The following PPL variants were observed in gnomAD, a reference collection of about 807,000 sequenced individuals.
PPL encodes 190 kDa paraneoplastic pemphigus antigen.
A neutral mutation model predicts 194.4 loss-of-function variants in PPL; 198 were observed. That is an observed-to-expected ratio of 1.02 (90% CI 0.91 to 1.15). PPL has a LOEUF of 1.15. Ranked by LOEUF, PPL falls within the 50% of genes most tolerant of loss-of-function variation. The probability of loss-of-function intolerance (pLI) is 0.00; values close to 1 mark genes in which losing one functional copy is unlikely to be tolerated. For synonymous variants in PPL, 1,220 were observed against 972.4 expected (o/e 1.25, Z -4.74); for missense variants, 2,885 against 2,294.8 (o/e 1.26, Z -5.25).
chr16:4,887,513 T>C (rs891949888), intron 20 of PPL, among the ~76,000 whole-genome samples: 4 of 152,148 alleles, frequency 2.6e-5, no homozygotes, highest in Admixed American at 1.3e-4. Context: ...AGGAGACTAA[T>C]ATCAGCCCTC....
chr16:4,883,226 G>A lies in PPL; in HGVS notation c.*158C>T, dbSNP rs1596539234. 1 of 939,004 alleles carries A rather than the reference G, an allele frequency of 1.1e-6. No individual in the cohort carries two copies. Among genetic ancestry groups the A allele is most frequent in the East Asian group, 2.5e-5 (1 of 40,600 alleles). 58.2% of individuals were successfully genotyped at this position (939,004 alleles called of 1,614,324 possible). ...AGTTGCCTGTCTTCAGCCAGTGCCT[G>A]TCTCATATGTGGGCGGGACTCTGAG... On this transcript the variant is annotated 3_prime_UTR_variant, in exon 22 of 22. Transcript: ENST00000345988. The surrounding 1 kb of genome is among the most constrained non-coding windows in gnomAD (Gnocchi z 4.8).
At chr16:4,895,562 C>G (rs555182980) in intron 10 of PPL, 32 bp downstream of exon 10, 9 of 1,613,172 alleles carry the variant, frequency 5.6e-6, no homozygotes, top group South Asian at 2.2e-5. Flanking sequence ...CCCCGCCCCC[C>G]GGGCCAGCAG....
Position 4,895,291 on chromosome 16 carries a change from C to G in PPL, c.1212G>C (p.Val404=), listed in dbSNP as rs1276586614. 1.9e-6 allele frequency: 3 copies of G among 1,611,796 alleles called. No homozygotes were observed. The Admixed American group carries it at 5.0e-5, about 27-fold the overall frequency. The change falls in exon 11 of 22, where the codon GTG becomes GTC. Residue 404 remains valine, a synonymous_variant. Coordinates refer to ENST00000345988, the MANE Select transcript of PPL (RefSeq NM_002705.5). The part of the protein sequence containing the change: ...RRETPLKPIP[V]EALCDFEGEQ... ...CCCCCTCAAAGTCACAGAGTGCCTC[C>G]ACGGGGATGGGCTTGAGCGGAGTCT...
Position 4,922,908 on chromosome 16 carries a change from G to C in PPL, c.63-11959C>G, listed in dbSNP as rs528316455. On this transcript the variant is annotated intron_variant, in intron 1 of 21. Transcript: ENST00000345988. The stretch of plus-strand genomic sequence containing the variant: ...ATCTCCTCCAACATCTGCGAGGAGA[G>C]GCTGGTGCCCATATATGGGTAATGA... 2.6e-5 allele frequency among the ~76,000 whole-genome samples: 4 copies of C among 152,284 alleles called. No individual in the cohort carries two copies. In the East Asian group the frequency reaches 7.7e-4, roughly 29 times the overall value.
chr16:4,929,388 T>G (rs2089199602), intron 1 of PPL, among the ~76,000 whole-genome samples: 1 of 152,138 alleles, frequency 6.6e-6, no homozygotes, highest in Non-Finnish European at 1.5e-5. Flanking sequence ...GACTCAGGGC[T>G]TGCCTGCAGG....
intron 21 of PPL, among the ~76,000 whole-genome samples, chr16:4,886,770 C>T (rs1350983685): frequency 6.6e-6 from 1 of 152,176 alleles, no homozygotes; most frequent in Admixed American, 6.5e-5. Flanking sequence ...AAGCATGCGC[C>T]ACGACGCCCA....
Position 4,932,219 on chromosome 16 carries a change from T to G in PPL, c.62+4765A>C, listed in dbSNP as rs1001993552. On this transcript the variant is annotated intron_variant, in intron 1 of 21. Coordinates refer to ENST00000345988, the MANE Select transcript of PPL (RefSeq NM_002705.5). The stretch of plus-strand genomic sequence containing the variant: ...GCAGGCCCGCTGTCAGAATGAGATG[T>G]AACATCCATGGCCTTGCTGGGCTCA... 2.0e-5 allele frequency among the ~76,000 whole-genome samples: 3 copies of G among 152,204 alleles called. No individual in the cohort carries two copies. In the South Asian group the frequency reaches 6.2e-4, roughly 31 times the overall value.
chr16:4,892,964 T>C (rs1567999737), intron 14 of PPL: 3 of 458,042 alleles, frequency 6.5e-6, no homozygotes, highest in East Asian at 3.5e-5. Context: ...CCATGTGCCA[T>C]GCCAGGCGTC....
At chr16:4,918,498 A>C (rs2088973272) in intron 1 of PPL, among the ~76,000 whole-genome samples, 1 of 152,174 alleles carries the variant, frequency 6.6e-6, no homozygotes. Context: ...TTAGCTCATC[A>C]ATCCTACCAG....
rs546195225 is a variant in PPL, at chr16:4,895,845, C to T, written c.973-129G>A. The T allele has an allele frequency of 2.6e-4, 339 of 1,313,158 alleles. 5 individuals carry two copies. In the South Asian group the frequency reaches 4.5e-3, roughly 17 times the overall value. 81.3% of individuals were successfully genotyped at this position (1,313,158 alleles called of 1,614,324 possible). On this transcript the variant is annotated intron_variant, in intron 9 of 21. Coordinates refer to ENST00000345988, the MANE Select transcript of PPL (RefSeq NM_002705.5). ...TTCACCTGGAGTCCAGCATGGGACC[C>T]TGTGCTGAGCCTGAGGCTCCTCTGC... is the stretch of plus-strand genomic sequence containing the variant.
intron 2 of PPL, among the ~76,000 whole-genome samples, chr16:4,905,393 G>T (rs72633274): frequency 0.16 from 24,675 of 152,136 alleles, 2,380 homozygotes; most frequent in East Asian, 0.3. Flanking sequence ...GGCAAGTCCA[G>T]AGAGATGGAA....
chr16:4,915,388 G>T (rs2088898372), intron 1 of PPL, among the ~76,000 whole-genome samples: 1 of 152,236 alleles, frequency 6.6e-6, no homozygotes, highest in Admixed American at 6.5e-5. Context: ...TCTGTCCTCT[G>T]GCGATGACCA....
At position 4,930,776 on chromosome 16, in the gene PPL, G is replaced by A. The variant is rs562847728; in HGVS notation, c.62+6208C>T. 2.6e-5 allele frequency among the ~76,000 whole-genome samples: 4 copies of A among 152,332 alleles called. No homozygotes were observed. In the East Asian group the frequency reaches 7.7e-4, roughly 29 times the overall value. ...TGAAAAGGGGTGGGAGGGGCATTCT[G>A]GGCAACAGGAATGGCAGAGGGAAAG... On this transcript the variant is annotated intron_variant, in intron 1 of 21. Coordinates refer to ENST00000345988, the MANE Select transcript of PPL (RefSeq NM_002705.5).
chr16:4,901,050 G>A lies in PPL; in HGVS notation c.478C>T (p.Leu160=), dbSNP rs1191459208. ...NNQSFGTDLP[L]VDHQVEEHNI... is the part of the protein sequence containing the mutation. Reference sequence around the variant, plus strand: ...TGCTCCTCCACTTGGTGGTCCACCAGCGGCAGGTCAGTCCCAAAGCTCTGG... The same window carrying A: ...TGCTCCTCCACTTGGTGGTCCACCAACGGCAGGTCAGTCCCAAAGCTCTGG... The change falls in exon 5 of 22, where the codon CTG becomes TTG. Residue 160 remains leucine, a synonymous_variant. Transcript: ENST00000345988. 4.3e-6 allele frequency: 7 copies of A among 1,614,218 alleles called. No individual in the cohort carries two copies. The highest frequency in any genetic ancestry group is 5.9e-6 in the Non-Finnish European group (7 of 1,180,042).
chr16:4,935,572 A>T (rs968355500), intron 1 of PPL, among the ~76,000 whole-genome samples: 44 of 152,088 alleles, frequency 2.9e-4, no homozygotes, highest in African/African-American at 9.9e-4. Flanking sequence ...GTTGTGAAAG[A>T]TAGGGGAGGG....
chr16:4,888,907 C>A lies in PPL; in HGVS notation c.2397+71G>T, dbSNP rs1034052424. The A allele has an allele frequency of 1.4e-5, 20 of 1,477,566 alleles. No homozygotes were observed. The African/African-American group carries it at 2.1e-4, about 15-fold the overall frequency. The allele number at this position is 1,477,566 out of a possible 1,614,324, so 91.5% of individuals were successfully genotyped here. A position where few individuals can be genotyped will look rare whatever the true frequency, so the allele number is the denominator to read the frequency against. On this transcript the variant is annotated intron_variant, in intron 19 of 21. Coordinates refer to ENST00000345988, the MANE Select transcript of PPL (RefSeq NM_002705.5). Reference sequence around the variant, plus strand: ...CATGTGCCAGGGCCGGTGCTTGCTGCTTCTCTGACCAGGGCACGGTGGAAT... The same window carrying A: ...CATGTGCCAGGGCCGGTGCTTGCTGATTCTCTGACCAGGGCACGGTGGAAT...
chr16:4,923,543 T>A (rs1436654080), intron 1 of PPL, among the ~76,000 whole-genome samples: 1 of 152,188 alleles, frequency 6.6e-6, no homozygotes, highest in Non-Finnish European at 1.5e-5. Context: ...CCACCCTTGA[T>A]GTCTTCAGCT....
Position 4,920,371 on chromosome 16 carries a change from G to GAAAGAAAGAAA in PPL, c.63-9423_63-9422insTTTCTTTCTTT. On this transcript the variant is annotated intron_variant, in intron 1 of 21. Transcript: ENST00000345988. ...AGAAAGAAAGAAAGAAAGAAAGAAA[G>GAAAGAAAGAAA]GACACCTCGGTCAAATTTCAAAGAC... 4.8e-3 allele frequency among the ~76,000 whole-genome samples: 449 copies of GAAAGAAAGAAA among 94,180 alleles called. 151 individuals are homozygous for GAAAGAAAGAAA. Among genetic ancestry groups the GAAAGAAAGAAA allele is most frequent in the Middle Eastern group, 0.016 (3 of 192 alleles). The allele number at this position is 94,180 out of a possible 152,430, so 61.8% of individuals were successfully genotyped here.
chr16:4,923,821 C>A (rs917168837), intron 1 of PPL, among the ~76,000 whole-genome samples: 3 of 152,058 alleles, frequency 2.0e-5, no homozygotes, highest in Non-Finnish European at 4.4e-5. Context: ...GTGGCCGCAC[C>A]ATGATTAGGA....
Sources: gnomAD v4.1 joint callset for allele counts (sites outside exome capture counted in the v4.1 genomes callset) on GRCh38, gnomAD v4.1.1 for gene constraint, Gnocchi (gnomAD v3.1) non-coding constraint, MANE v1.5 for transcripts, NCBI Gene and HGNC (gene_info 2026-07-23, HGNC 2026-07-21) for gene names.